DNAH10: variants seen among roughly 807,000 people sequenced by gnomAD.
DNAH10 encodes the protein axonemal beta dynein heavy chain 10.
In DNAH10, 348 loss-of-function variants were observed where a neutral mutation model predicts 506.6. That is an observed-to-expected ratio of 0.69 (90% CI 0.63 to 0.75). The LOEUF is 0.75. Among genes scored for constraint, DNAH10 ranks in the 30% least tolerant of loss-of-function variants. DNAH10 has a pLI of 0.00. For synonymous variants in DNAH10, 2,059 were observed against 2,198.6 expected (o/e 0.94, Z 1.78); for missense variants, 5,179 against 5,787.1 (o/e 0.89, Z 3.41).
At chr12:123,862,022 G>A (rs10846564) in intron 39 of DNAH10, among the ~76,000 whole-genome samples, 63,306 of 152,044 alleles carry the variant, frequency 0.42, 13,358 homozygotes, top group African/African-American at 0.46. Flanking sequence ...GAATGGTCTC[G>A]GTTTGGGTTT....
intron 55 of DNAH10, 75 bp downstream of exon 55, chr12:123,898,042 T>A: frequency 7.3e-7 from 1 of 1,363,408 alleles, no homozygotes; most frequent in Non-Finnish European, 9.7e-7. Flanking sequence ...TGATCTTTTC[T>A]TTAGTAAGAT....
rs953526687 is a variant in DNAH10 at position 123,845,482 on chromosome 12, TA to T, written c.5361-114del. ...AAACAAATACAGGCACTTGCTTACC[TA>T]AAACCTTTACTTTGCCCTCCCTATT... is the stretch of plus-strand genomic sequence containing the variant. On this transcript the variant is annotated intron_variant, in intron 30 of 78. Coordinates refer to ENST00000673944, the MANE Select transcript of DNAH10 (RefSeq NM_001372106.1). 2.2e-6 allele frequency: 3 copies of T among 1,389,422 alleles called. No individual in the cohort carries two copies. The African/African-American group carries it at 4.3e-5, about 20-fold the overall frequency. 86.1% of individuals were successfully genotyped at this position (1,389,422 alleles called of 1,614,324 possible). A position where few individuals can be genotyped will look rare whatever the true frequency, so the allele number is the denominator to read the frequency against.
intron 2 of DNAH10, 50 bp downstream of exon 2, chr12:123,767,739 C>T (rs756429686): frequency 1.3e-5 from 20 of 1,523,122 alleles, no homozygotes; most frequent in East Asian, 7.0e-5. Context: ...AAAGCCCCCC[C>T]GCAGCGGGAG....
chr12:123,915,097 G>A lies in DNAH10; in HGVS notation c.10722+98G>A, dbSNP rs1027809844. On this transcript the variant is annotated intron_variant, in intron 62 of 78. Coordinates refer to ENST00000673944, the MANE Select transcript of DNAH10 (RefSeq NM_001372106.1). Reference sequence around the variant, plus strand: ...GTACGTGGCAGTCCCTAGCCTCAGCGAGGCTGGGCTGAAATGCTTCCATCC... The same window carrying A: ...GTACGTGGCAGTCCCTAGCCTCAGCAAGGCTGGGCTGAAATGCTTCCATCC... 79 of 1,421,406 alleles carry A rather than the reference G, an allele frequency of 5.6e-5. No individual in the cohort carries two copies. In the Admixed American group the frequency reaches 2.0e-3, roughly 36 times the overall value. The allele number at this position is 1,421,406 out of a possible 1,614,324, so 88.0% of individuals were successfully genotyped here. A position where few individuals can be genotyped will look rare whatever the true frequency, so the allele number is the denominator to read the frequency against.
At chr12:123,763,061 G>T (rs1280966983) in intron 1 of DNAH10, among the ~76,000 whole-genome samples, 1 of 152,184 alleles carries the variant, frequency 6.6e-6, no homozygotes, top group African/African-American at 2.4e-5. Context: ...GGTCCGAAGA[G>T]CACCCCTTTC....
chr12:123,917,185 C>CT lies in DNAH10; in HGVS notation c.11003-392dup, dbSNP rs904230680. ...GTACTTTCTTTTCTTTTTTCTTTTT[C>CT]TTTTTTTGTACAGATGGGGTTTGTC... is the stretch of plus-strand genomic sequence containing the variant. On this transcript the variant is annotated intron_variant, in intron 63 of 78. Coordinates refer to ENST00000673944, the MANE Select transcript of DNAH10 (RefSeq NM_001372106.1). The surrounding 1 kb of genome is among the most constrained non-coding windows in gnomAD (Gnocchi z 5.6). 9.9e-5 allele frequency among the ~76,000 whole-genome samples: 15 copies of CT among 150,896 alleles called. No homozygotes were observed. Among genetic ancestry groups the CT allele is most frequent in the Admixed American group, 9.2e-4 (14 of 15,174 alleles).
intron 12 of DNAH10, among the ~76,000 whole-genome samples, chr12:123,794,855 A>G (rs1352390738): frequency 6.7e-6 from 1 of 148,442 alleles, no homozygotes; most frequent in Non-Finnish European, 1.5e-5. Context: ...TAAAAAAAAA[A>G]AAAAAATGCT....
chr12:123,933,076 G>A (rs557271680), intron 76 of DNAH10, among the ~76,000 whole-genome samples: 6 of 152,260 alleles, frequency 3.9e-5, no homozygotes, highest in Admixed American at 2.6e-4. Context: ...CCTACTCCAC[G>A]ATATGAAAGC....
intron 11 of DNAH10, among the ~76,000 whole-genome samples, chr12:123,791,764 TCTCA>T (rs1958089621): frequency 6.6e-6 from 1 of 152,032 alleles, no homozygotes; most frequent in South Asian, 2.1e-4. Flanking sequence ...AGAGATGAGG[TCTCA>T]CTCTGTTGCC....
intron 19 of DNAH10, among the ~76,000 whole-genome samples, chr12:123,810,871 T>C (rs965306685): frequency 6.6e-6 from 1 of 152,194 alleles, no homozygotes; most frequent in African/African-American, 2.4e-5. Context: ...AAAGTTGGCC[T>C]ATAAAACATT....
At chr12:123,849,316 GCAAGGTTAT>G (rs888489601) in intron 34 of DNAH10, among the ~76,000 whole-genome samples, 90 of 152,332 alleles carry the variant, frequency 5.9e-4, no homozygotes, top group African/African-American at 2.1e-3. Context: ...AGCAGGATTT[GCAAGGTTAT>G]CAAAGTGAGA....
Position 123,906,227 on chromosome 12 carries a change from C to T in DNAH10, c.9816-3034C>T, listed in dbSNP as rs568904764. Reference sequence around the variant, plus strand: ...GATTACAGGAGTGAGCCACTGCGCCCGGCCTTTGTGGCTTTTTTTAAATTT... The same window carrying T: ...GATTACAGGAGTGAGCCACTGCGCCTGGCCTTTGTGGCTTTTTTTAAATTT... On this transcript the variant is annotated intron_variant, in intron 57 of 78. Transcript: ENST00000673944. Among the ~76,000 whole-genome samples, 25 of 149,652 alleles carry T rather than the reference C, an allele frequency of 1.7e-4. 1 individual carries two copies. In the South Asian group the frequency reaches 4.9e-3, roughly 29 times the overall value.
At position 123,866,059 on chromosome 12, in the gene DNAH10, C is replaced by A; in HGVS notation, c.7153C>A (p.Gln2385Lys). ...ACCATACTGGAAAAAATGGGTTAAT[C>A]AAATACCAAACAAGGTGAAATTTTT... ...YRPYWKKWVNQIPNKVEQYNL... is the reference protein window; with the variant it reads ...YRPYWKKWVNKIPNKVEQYNL... The change falls in exon 41 of 79, where the codon CAA (glutamine) becomes AAA (lysine). Residue 2385 changes from glutamine (Q) to lysine (K), a missense_variant. Around this residue, in one of 3 missense-constraint regions of DNAH10, gnomAD observed 4,844 missense variants for 5,430.5 expected, o/e 0.89. Transcript: ENST00000673944. The A allele has an allele frequency of 1.2e-6, 2 of 1,605,614 alleles. No individual in the cohort carries two copies. Among genetic ancestry groups the A allele is most frequent in the South Asian group, 2.2e-5 (2 of 89,048 alleles).
chr12:123,783,857 G>C, intron 7 of DNAH10, 90 bp from the exon 8 acceptor site: 15 of 1,223,198 alleles, frequency 1.2e-5, no homozygotes, highest in Non-Finnish European at 1.6e-5. Flanking sequence ...GGAGCAGTTG[G>C]ACAGAAAGAA....
intron 6 of DNAH10, 38 bp from the exon 7 acceptor site, chr12:123,783,069 C>T (rs1369510657): frequency 6.2e-7 from 1 of 1,605,068 alleles, no homozygotes; most frequent in Non-Finnish European, 8.5e-7. Context: ...ATCATTTTTC[C>T]TGAACGAATG....
chr12:123,895,521 A>G (rs2137204809), intron 54 of DNAH10, among the ~76,000 whole-genome samples: 1 of 152,336 alleles, frequency 6.6e-6, no homozygotes, highest in East Asian at 1.9e-4. Context: ...GTAAATATTT[A>G]CAGCTTTTTC....
chr12:123,909,782 C>T lies in DNAH10; in HGVS notation c.9997+340C>T, dbSNP rs1200851165. Among the ~76,000 whole-genome samples, 2 of 152,264 alleles carry T rather than the reference C, an allele frequency of 1.3e-5. No homozygotes were observed. The highest frequency in any genetic ancestry group is 4.8e-5 in the African/African-American group (2 of 41,472). Reference sequence around the variant, plus strand: ...ATCTCACCCAGTGCTGTTCAGTGCACATGCAGAAGCCCAGAGCTAGTCTGA... The same window carrying T: ...ATCTCACCCAGTGCTGTTCAGTGCATATGCAGAAGCCCAGAGCTAGTCTGA... On this transcript the variant is annotated intron_variant, in intron 58 of 78. Coordinates refer to ENST00000673944, the MANE Select transcript of DNAH10 (RefSeq NM_001372106.1). This position sits in a 1 kb window ranked among gnomAD's most constrained non-coding sequence, Gnocchi z 5.4.
chr12:123,888,045 A>G (rs1952817831), intron 52 of DNAH10, among the ~76,000 whole-genome samples: 1 of 152,160 alleles, frequency 6.6e-6, no homozygotes, highest in African/African-American at 2.4e-5. Flanking sequence ...TGCCTGGCAC[A>G]AAAATATTTT....
intron 6 of DNAH10, among the ~76,000 whole-genome samples, chr12:123,781,688 A>T (rs1453710096): frequency 1.3e-5 from 2 of 151,576 alleles, no homozygotes; most frequent in African/African-American, 4.9e-5. Context: ...CTGGTCTTAA[A>T]CTCCTGACTT....
Sources: gnomAD v4.1 joint callset for allele counts (sites outside exome capture counted in the v4.1 genomes callset) on GRCh38, gnomAD v4.1.1 for gene constraint, gnomAD v4.1.1 regional missense constraint, Gnocchi (gnomAD v3.1) non-coding constraint, MANE v1.5 for transcripts, NCBI Gene and HGNC (gene_info 2026-07-23, HGNC 2026-07-21) for gene names.